TRIP12: variants seen among roughly 807,000 people sequenced by gnomAD.
The protein encoded by TRIP12 is E3 ubiquitin-protein ligase TRIP12.
Under a neutral mutation model 244.2 loss-of-function variants are expected in TRIP12, and 25 were observed. That is an observed-to-expected ratio of 0.10 (90% CI 0.07 to 0.14). The LOEUF is 0.14. Ranked by LOEUF, TRIP12 falls within the 10% of genes least tolerant of loss-of-function variation. TRIP12 has a pLI of 1.00. For synonymous variants in TRIP12, 905 were observed against 873.1 expected, an observed-to-expected ratio of 1.04 and a Z score of -0.64; for missense variants, 1,677 against 2,486.4, an observed-to-expected ratio of 0.67 and a Z score of 6.92.
At chr2:229,767,949 AAC>A (rs778973781) in intron 41 of TRIP12, among the ~76,000 whole-genome samples, 199 bp from the exon 42 acceptor site, 9 of 152,202 alleles carry the variant, frequency 5.9e-5, no homozygotes, top group Non-Finnish European at 7.3e-5. Flanking sequence ...ACATGGAGGC[AAC>A]AGTTCTTTAT....
intron 8 of TRIP12, among the ~76,000 whole-genome samples, chr2:229,820,943 C>A (rs1053950241): frequency 2.0e-5 from 3 of 152,138 alleles, no homozygotes; most frequent in African/African-American, 4.8e-5. Context: ...CTCATGGATA[C>A]AGAAAGCTAA....
intron 12 of TRIP12, 71 bp downstream of exon 12, chr2:229,814,162 G>T: frequency 6.4e-7 from 1 of 1,561,472 alleles, no homozygotes; most frequent in East Asian, 2.3e-5. Flanking sequence ...CAATCAAGTA[G>T]CCTGTACAAA....
At chr2:229,825,081 G>A (rs2051168367) in intron 8 of TRIP12, among the ~76,000 whole-genome samples, 1 of 152,032 alleles carries the variant, frequency 6.6e-6, no homozygotes, top group Non-Finnish European at 1.5e-5. Context: ...AAATATCCCA[G>A]GAACAGAAAG....
intron 5 of TRIP12, 84 bp from the exon 6 acceptor site, chr2:229,837,068 A>G: frequency 7.5e-7 from 1 of 1,328,222 alleles, no homozygotes; most frequent in Non-Finnish European, 9.7e-7. Context: ...AAATTCATGG[A>G]GCACAAAGCC....
intron 4 of TRIP12, among the ~76,000 whole-genome samples, chr2:229,850,693 C>T (rs2433735): frequency 0.19 from 28,357 of 152,204 alleles, 2,880 homozygotes; most frequent in East Asian, 0.28. Context: ...GAGCCCACTC[C>T]CTCAGCTTGC....
upstream of TRIP12, chr2:229,922,550 G>A (rs2076760105): frequency 2.5e-6 from 4 of 1,613,950 alleles, no homozygotes; most frequent in South Asian, 4.4e-5. Context: ...CTTTGAAACT[G>A]TAGGACAAGG....
At position 229,803,707 on chromosome 2, in the gene TRIP12, T is replaced by C; in HGVS notation, c.2880-18A>G. The C allele has an allele frequency of 6.4e-7, 1 of 1,555,808 alleles. No homozygotes were observed. Among genetic ancestry groups the C allele is most frequent in the Non-Finnish European group, 8.8e-7 (1 of 1,141,538 alleles). On this transcript the variant is annotated intron_variant, in intron 19 of 41. Coordinates refer to ENST00000675903, the MANE Select transcript of TRIP12 (RefSeq NM_001348323.3). Reference sequence around the variant, plus strand: ...CAATGTGACTAAAAAAAGAAAGCATTTGTATATAAAACTCTGCCTGAATTT... The same window carrying C: ...CAATGTGACTAAAAAAAGAAAGCATCTGTATATAAAACTCTGCCTGAATTT...
At chr2:229,813,190 A>G (rs2154280641) in intron 13 of TRIP12, among the ~76,000 whole-genome samples, 1 of 152,296 alleles carries the variant, frequency 6.6e-6, no homozygotes, top group South Asian at 2.1e-4. Context: ...GTCTTAACCC[A>G]TATTCTCCTG....
intron 1 of TRIP12, among the ~76,000 whole-genome samples, chr2:229,914,583 G>A (rs749445382): frequency 6.6e-6 from 1 of 152,140 alleles, no homozygotes; most frequent in Non-Finnish European, 1.5e-5. Flanking sequence ...TAGGTTTCCA[G>A]GGCATCGCAC....
intron 1 of TRIP12, among the ~76,000 whole-genome samples, chr2:229,915,145 G>A (rs185636535): frequency 1.6e-3 from 245 of 152,124 alleles, no homozygotes; most frequent in South Asian, 3.1e-3. Flanking sequence ...CCGGCTACTC[G>A]GGAGGCTGAG....
chr2:229,858,129 C>T (rs909305802), intron 4 of TRIP12, among the ~76,000 whole-genome samples: 11 of 152,040 alleles, frequency 7.2e-5, no homozygotes, highest in Admixed American at 2.6e-4. Context: ...TTTGGGAGGC[C>T]GAGGTGAGCA....
chr2:229,906,697 G>C (rs1319015468), intron 1 of TRIP12, among the ~76,000 whole-genome samples: 1 of 145,820 alleles, frequency 6.9e-6, no homozygotes, highest in Non-Finnish European at 1.5e-5. Flanking sequence ...TCCAACCTGG[G>C]CAACACGGTA....
At chr2:229,921,543 C>T (rs1339971292) in intron 1 of TRIP12, 1 of 152,166 alleles carries the variant, frequency 6.6e-6, no homozygotes, top group Non-Finnish European at 1.5e-5. Context: ...CGCCGAGCTC[C>T]CCAACACCCG....
intron 8 of TRIP12, among the ~76,000 whole-genome samples, chr2:229,824,928 T>C (rs1195175130): frequency 6.6e-6 from 1 of 152,136 alleles, no homozygotes; most frequent in East Asian, 1.9e-4. Flanking sequence ...TACATAATTA[T>C]AAAAGCAAAA....
At chr2:229,823,440 G>A (rs551877257) in intron 8 of TRIP12, among the ~76,000 whole-genome samples, 6 of 152,066 alleles carry the variant, frequency 3.9e-5, no homozygotes, top group East Asian at 3.9e-4. Context: ...TTGAGAGGCC[G>A]AGGTGGGGTG....
chr2:229,833,677 A>T (rs2054029440), intron 6 of TRIP12, among the ~76,000 whole-genome samples: 1 of 152,210 alleles, frequency 6.6e-6, no homozygotes, highest in Non-Finnish European at 1.5e-5. Flanking sequence ...CTCTGATAGC[A>T]AGTATTAAGC....
intron 8 of TRIP12, among the ~76,000 whole-genome samples, chr2:229,823,659 G>T (rs1413084513): frequency 8.1e-5 from 12 of 148,754 alleles, no homozygotes; most frequent in Non-Finnish European, 3.0e-5. Flanking sequence ...CTGGGCAACA[G>T]AGGAGACTCT....
chr2:229,851,080 A>G (rs2058605340), intron 4 of TRIP12, among the ~76,000 whole-genome samples: 1 of 152,126 alleles, frequency 6.6e-6, no homozygotes, highest in Non-Finnish European at 1.5e-5. Flanking sequence ...ACCATCGATC[A>G]CCCAAGGGCT....
chr2:229,780,466 C>T (rs904261882), intron 34 of TRIP12, among the ~76,000 whole-genome samples: 1 of 152,162 alleles, frequency 6.6e-6, no homozygotes, highest in Non-Finnish European at 1.5e-5. Context: ...CACAAGTTCG[C>T]GGCATCCCTT....
Sources: gnomAD v4.1 joint callset for allele counts (sites outside exome capture counted in the v4.1 genomes callset) on GRCh38, gnomAD v4.1.1 for gene constraint, MANE v1.5 for transcripts, NCBI Gene and HGNC (gene_info 2026-07-23, HGNC 2026-07-21) for gene names.